The following STAT5A variants were observed in gnomAD, a reference collection of about 807,000 sequenced individuals.
STAT5A encodes the protein signal transducer and activator of transcription 5A, also known as epididymis secretory sperm binding protein.
STAT5A carries 26 observed loss-of-function variants against 100.2 expected under a neutral mutation model. The ratio of observed to expected loss-of-function variants is 0.26; its 90% CI spans 0.19 to 0.36. The LOEUF (loss-of-function observed/expected upper bound fraction) is 0.36. STAT5A is among the 10% of genes least tolerant of loss of function. The pLI, the probability that STAT5A is intolerant of heterozygous loss-of-function variation, is 1.00. For synonymous variants in STAT5A, 330 were observed against 424.3 expected (o/e 0.78, Z 2.73); for missense variants, 634 against 1,027.5 (o/e 0.62, Z 5.24).
At chr17:42,289,115 G>A (rs548863212) in intron 1 of STAT5A, 3 of 314,000 alleles carry the variant, frequency 9.6e-6, no homozygotes, top group African/African-American at 2.1e-5. Context: ...GTTTCTGGCC[G>A]TCCCCCTCAC....
At position 42,310,522 on chromosome 17, in the gene STAT5A, C is replaced by T. The variant is rs2230135; in HGVS notation, c.2238C>T (p.Leu746=). Residue 746 remains leucine (L), a synonymous_variant, in exon 19 of 19, where the codon CTC becomes CTT. Transcript: ENST00000590949. ...NMYPQNPDHV[L]DQDGEFDLDE... ...TCTTTACCAGCCCTGACCATGTACT[C>T]GATCAGGATGGAGAATTCGACCTGG... 6.3e-4 allele frequency: 1,011 copies of T among 1,614,174 alleles called. 2 individuals carry two copies. The African/African-American group carries it at 0.012, about 19-fold the overall frequency.
chr17:42,310,916 T>C lies in STAT5A; in HGVS notation c.*247T>C, dbSNP rs1406759992. On this transcript the variant is annotated 3_prime_UTR_variant, in exon 19 of 19. Coordinates refer to ENST00000590949, the MANE Select transcript of STAT5A (RefSeq NM_001288718.2). ...GAGTGCGCCGAGTCTGTCTCTGTCA[T>C]GGTAGAGACCGAGCCTCTGTCACTG... The C allele has an allele frequency of 8.4e-6, 5 of 596,718 alleles. No homozygotes were observed. Among genetic ancestry groups the C allele is most frequent in the Non-Finnish European group, 1.4e-5 (5 of 349,314 alleles). The allele number at this position is 596,718 out of a possible 1,614,324, so 37.0% of individuals were successfully genotyped here.
chr17:42,305,724 A>T, intron 12 of STAT5A, 22 bp downstream of exon 12: 1 of 1,612,166 alleles, frequency 6.2e-7, no homozygotes, highest in Non-Finnish European at 8.5e-7. Flanking sequence ...TGGGAGCCCT[A>T]CCCCAGCACC....
Position 42,311,025 on chromosome 17 carries a change from A to G in STAT5A, c.*356A>G. 1 of 279,136 alleles carries G rather than the reference A, an allele frequency of 3.6e-6. No homozygotes were observed. The highest frequency in any genetic ancestry group is 7.1e-6 in the Non-Finnish European group (1 of 140,964). The allele number at this position is 279,136 out of a possible 1,614,324, so 17.3% of individuals were successfully genotyped here. ...TTTGAATGAGATGATTCAGAAGGGG[A>G]GGGGAGACAGGTAACGTCTGTAAGC... On this transcript the variant is annotated 3_prime_UTR_variant, in exon 19 of 19. Coordinates refer to ENST00000590949, the MANE Select transcript of STAT5A (RefSeq NM_001288718.2).
rs766742717 is a variant in STAT5A at position 42,295,649 on chromosome 17, G to A, written c.406G>A (p.Ala136Thr). Residue 136 changes from alanine to threonine, a missense_variant, in exon 5 of 19, where the codon GCC (alanine) becomes ACC (threonine). Coordinates refer to ENST00000590949, the MANE Select transcript of STAT5A (RefSeq NM_001288718.2). ...CTCTCCGGCTGGGATCCTGGTTGAC[G>A]CCATGTCCCAGAAGCACCTTCAGAT... ...CSSPAGILVD[A>T]MSQKHLQINQ... The A allele has an allele frequency of 3.7e-5, 59 of 1,613,554 alleles. No homozygotes were observed. Among genetic ancestry groups the A allele is most frequent in the African/African-American group, 9.4e-5 (7 of 74,854 alleles).
intron 4 of STAT5A, among the ~76,000 whole-genome samples, chr17:42,293,023 G>T (rs1488063852): frequency 6.6e-6 from 1 of 152,168 alleles, no homozygotes; most frequent in Non-Finnish European, 1.5e-5. Context: ...CCAGGGAGGG[G>T]TAACAGGGAC....
intron 18 of STAT5A, 147 bp from the exon 19 acceptor site, chr17:42,310,360 G>A: frequency 1.3e-6 from 1 of 773,742 alleles, no homozygotes; most frequent in South Asian, 1.7e-5. Flanking sequence ...CTGCTACCCA[G>A]CTTGGGGTGG....
chr17:42,308,064 G>A lies in STAT5A; in HGVS notation c.1907-114G>A. 1 of 1,424,646 alleles carries A rather than the reference G, an allele frequency of 7.0e-7. No individual in the cohort carries two copies. Among genetic ancestry groups the A allele is most frequent in the African/African-American group, 1.4e-5 (1 of 70,424 alleles). 88.3% of individuals were successfully genotyped at this position (1,424,646 alleles called of 1,614,324 possible). A position where few individuals can be genotyped will look rare whatever the true frequency, so the allele number is the denominator to read the frequency against. ...TTCTTCCCTACAGGCTGGGGCTGCA[G>A]CGCAAGCTACTATATAAAAGCCCAG... On this transcript the variant is annotated intron_variant, in intron 15 of 18. Coordinates refer to ENST00000590949, the MANE Select transcript of STAT5A (RefSeq NM_001288718.2). This position sits in a 1 kb window ranked among gnomAD's most constrained non-coding sequence, Gnocchi z 4.6.
chr17:42,301,293 G>A lies in STAT5A; in HGVS notation c.1008G>A (p.Lys336=). 1 of 1,613,958 alleles carries A rather than the reference G, an allele frequency of 6.2e-7. No homozygotes were observed. The highest frequency in any genetic ancestry group is 8.5e-7 in the Non-Finnish European group (1 of 1,179,974). The change falls in exon 9 of 19, where the codon AAG becomes AAA. Residue 336 remains lysine, a synonymous_variant. Coordinates refer to ENST00000590949, the MANE Select transcript of STAT5A (RefSeq NM_001288718.2). ...CATGCAGCACATTCATCATTGAGAA[G>A]CAGCCTCCTCAGGTCCTGAAGACCC... ...ALVTSTFIIE[K]QPPQVLKTQT... is the part of the protein sequence containing the mutation.
At position 42,294,214 on chromosome 17, in the gene STAT5A, TA is replaced by T. The variant is rs57901917; in HGVS notation, c.376-1391del. Among the ~76,000 whole-genome samples the T allele has an allele frequency of 7.8e-3, 1,107 of 141,722 alleles. 5 individuals carry two copies. Among genetic ancestry groups the T allele is most frequent in the African/African-American group, 0.014 (549 of 38,438 alleles). The allele number at this position is 141,722 out of a possible 152,430, so 93.0% of individuals were successfully genotyped here. On this transcript the variant is annotated intron_variant, in intron 4 of 18. Coordinates refer to ENST00000590949, the MANE Select transcript of STAT5A (RefSeq NM_001288718.2). ...CTGGGCAACAGAGCGAGACTCTGTATAAAAAAAAAAAAAATAGGGGTTAGAA... is the reference window on the plus strand; with the variant it reads ...CTGGGCAACAGAGCGAGACTCTGTATAAAAAAAAAAAAATAGGGGTTAGAA...
At position 42,311,092 on chromosome 17, in the gene STAT5A, G is replaced by GAGAGAGAC. The variant is rs772616383; in HGVS notation, c.*439_*446dup. On this transcript the variant is annotated 3_prime_UTR_variant, in exon 19 of 19. Coordinates refer to ENST00000590949, the MANE Select transcript of STAT5A (RefSeq NM_001288718.2). Reference sequence around the variant, plus strand: ...AGTGAGAAGCTTTGCCCTCCTAAGAGAGAGAGACAGAGAGACAGAGAGAGA... The same window carrying GAGAGAGAC: ...AGTGAGAAGCTTTGCCCTCCTAAGAGAGAGAGACAGAGAGACAGAGAGACAGAGAGAGA... 2 of 216,458 alleles carry GAGAGAGAC rather than the reference G, an allele frequency of 9.2e-6. No homozygotes were observed. Among genetic ancestry groups the GAGAGAGAC allele is most frequent in the Non-Finnish European group, 9.6e-6 (1 of 104,062 alleles). 13.4% of individuals were successfully genotyped at this position (216,458 alleles called of 1,614,324 possible). A position where few individuals can be genotyped will look rare whatever the true frequency, so the allele number is the denominator to read the frequency against.
At chr17:42,307,745 A>C in intron 15 of STAT5A, 22 bp downstream of exon 15, 1 of 1,608,906 alleles carries the variant, frequency 6.2e-7, no homozygotes, top group East Asian at 2.2e-5. Context: ...TTTTGCCCAC[A>C]CTCCAGCCCC....
Position 42,306,319 on chromosome 17 carries a change from G to C in STAT5A, c.1552G>C (p.Glu518Gln). The C allele has an allele frequency of 6.2e-7, 1 of 1,614,088 alleles. No homozygotes were observed. The highest frequency in any genetic ancestry group is 8.5e-7 in the Non-Finnish European group (1 of 1,179,966). Residue 518 changes from glutamate (E) to glutamine (Q), a missense_variant, in exon 13 of 19, where the codon GAA (glutamate) becomes CAA (glutamine). Glu to Gln is a conservative substitution (Grantham distance 29, BLOSUM62 2). This residue lies in a region of STAT5A where 210 missense variants were observed against 428.4 expected (regional missense o/e 0.49). Coordinates refer to ENST00000590949, the MANE Select transcript of STAT5A (RefSeq NM_001288718.2). The part of the protein sequence containing the change: ...CEALNMKFKA[E>Q]VQSNRGLTKE... ...GGCGCTCAACATGAAATTCAAGGCC[G>C]AAGTGCAGAGCAACCGGGGCCTGAC... is the stretch of plus-strand genomic sequence containing the variant.
Position 42,300,796 on chromosome 17 carries a change from C to G in STAT5A, c.915C>G (p.Ile305Met), listed in dbSNP as rs1371380050. ...RAEHLCQQLP[I>M]PGPVEEMLAE... Reference sequence around the variant, plus strand: ...AGCACCTCTGCCAGCAGCTGCCCATCCCCGGCCCAGTGGAGGAGATGCTGG... The same window carrying G: ...AGCACCTCTGCCAGCAGCTGCCCATGCCCGGCCCAGTGGAGGAGATGCTGG... Residue 305 changes from isoleucine (I) to methionine (M), a missense_variant, in exon 8 of 19, where the codon ATC becomes ATG. Physicochemically the swap from Ile to Met is conservative, Grantham distance 10. Coordinates refer to ENST00000590949, the MANE Select transcript of STAT5A (RefSeq NM_001288718.2). The G allele has an allele frequency of 1.9e-6, 3 of 1,612,492 alleles. No individual in the cohort carries two copies. In the East Asian group the frequency reaches 6.7e-5, roughly 36 times the overall value.
chr17:42,299,501 C>G (rs1567689996), intron 5 of STAT5A, among the ~76,000 whole-genome samples: 1 of 152,188 alleles, frequency 6.6e-6, no homozygotes, highest in East Asian at 1.9e-4. Flanking sequence ...GGCCTCCTCC[C>G]CAGCTGCCCC....
In STAT5A at chr17:42,310,974, T is replaced by A; in HGVS notation, c.*305T>A. ...TCAATGCAGCCAGACCTATTCCTCC[T>A]GGGCCCCTCATCTGCTCAGCAGCTA... On this transcript the variant is annotated 3_prime_UTR_variant, in exon 19 of 19. Transcript: ENST00000590949. 1 of 405,718 alleles carries A rather than the reference T, an allele frequency of 2.5e-6. No homozygotes were observed. Among genetic ancestry groups the A allele is most frequent in the Non-Finnish European group, 4.6e-6 (1 of 216,530 alleles). The allele number at this position is 405,718 out of a possible 1,614,324, so 25.1% of individuals were successfully genotyped here. A position where few individuals can be genotyped will look rare whatever the true frequency, so the allele number is the denominator to read the frequency against.
intron 5 of STAT5A, among the ~76,000 whole-genome samples, chr17:42,298,503 G>T (rs1280683616): frequency 1.1e-4 from 15 of 140,114 alleles, no homozygotes; most frequent in African/African-American, 4.0e-4. Context: ...ACAGAGTCTA[G>T]CTCTGTCGCC....
intron 9 of STAT5A, among the ~76,000 whole-genome samples, chr17:42,301,995 C>T (rs552207215): frequency 4.6e-5 from 7 of 152,138 alleles, no homozygotes; most frequent in African/African-American, 9.7e-5. Context: ...AGACCCTCAT[C>T]GCTACAAAAA....
chr17:42,308,087 C>T lies in STAT5A; in HGVS notation c.1907-91C>T. 1 of 1,541,982 alleles carries T rather than the reference C, an allele frequency of 6.5e-7. No individual in the cohort carries two copies. Among genetic ancestry groups the T allele is most frequent in the Non-Finnish European group, 8.8e-7 (1 of 1,137,160 alleles). ...CAGCGCAAGCTACTATATAAAAGCC[C>T]AGATTTCTCTTGCAAGCCTGCCCTA... is the stretch of plus-strand genomic sequence containing the variant. On this transcript the variant is annotated intron_variant, in intron 15 of 18. Transcript: ENST00000590949. The surrounding 1 kb of genome is among the most constrained non-coding windows in gnomAD (Gnocchi z 4.6).
Sources: gnomAD v4.1 joint callset for allele counts (sites outside exome capture counted in the v4.1 genomes callset) on GRCh38, gnomAD v4.1.1 for gene constraint, gnomAD v4.1.1 regional missense constraint, Gnocchi (gnomAD v3.1) non-coding constraint, MANE v1.5 for transcripts, NCBI Gene and HGNC (gene_info 2026-07-23, HGNC 2026-07-21) for gene names.